KIF26B: variants seen among roughly 807,000 people sequenced by gnomAD.
The protein encoded by KIF26B is kinesin-like protein KIF26B.
In KIF26B, 63 loss-of-function variants were observed where a neutral mutation model predicts 151.2. That is an observed-to-expected ratio of 0.42 (90% CI 0.34 to 0.51). The LOEUF is 0.51. KIF26B is among the 20% of genes least tolerant of loss of function. The probability of loss-of-function intolerance (pLI) is 0.07; values close to 1 mark genes in which losing one functional copy is unlikely to be tolerated. For synonymous variants in KIF26B, 1,357 were observed against 1,262.1 expected (o/e 1.08, Z -1.59); for missense variants, 2,813 against 2,913.6 (o/e 0.97, Z 0.79).
chr1:245,623,387 A>C (rs1020152437), intron 9 of KIF26B, among the ~76,000 whole-genome samples: 8 of 152,122 alleles, frequency 5.3e-5, no homozygotes, highest in Admixed American at 3.9e-4. Context: ...AATGATTTTG[A>C]GATGTAATCA....
At chr1:245,651,547 G>A (rs1348306370) in intron 10 of KIF26B, among the ~76,000 whole-genome samples, 2 of 152,204 alleles carry the variant, frequency 1.3e-5, no homozygotes, top group East Asian at 1.9e-4. Flanking sequence ...GGGAAGCTGG[G>A]GAAAGGGGCT....
At chr1:245,212,302 TAAAAC>T (rs1382388827) in intron 2 of KIF26B, among the ~76,000 whole-genome samples, 4 of 152,132 alleles carry the variant, frequency 2.6e-5, no homozygotes, top group African/African-American at 9.7e-5. Context: ...TTGCTCATGA[TAAAAC>T]AGGAAGTGGT....
At chr1:245,681,208 CTTTTCTT>C (rs1203738470) in intron 10 of KIF26B, among the ~76,000 whole-genome samples, 1 of 112,974 alleles carries the variant, frequency 8.9e-6, no homozygotes, top group Non-Finnish European at 2.1e-5. Flanking sequence ...GGTAAGTTTT[CTTTTCTT>C]TTTTTTTTTT....
At position 245,419,683 on chromosome 1, in the gene KIF26B, G is replaced by GA; in HGVS notation, c.1104_1105insA (p.Gly369ArgfsTer31). The GA allele has an allele frequency of 6.2e-7, 1 of 1,613,812 alleles. No individual in the cohort carries two copies. Among genetic ancestry groups the GA allele is most frequent in the Non-Finnish European group, 8.5e-7 (1 of 1,179,770 alleles). ...CCGCCTGCAGTGTCCCAGCCTCGCA[G>GA]GGCTCCTGCGTGGCCAGCGAGACTT... On this transcript the variant is annotated frameshift_variant, in exon 4 of 15. Transcript: ENST00000407071. LOFTEE classifies it high-confidence loss of function.
intron 5 of KIF26B, among the ~76,000 whole-genome samples, chr1:245,561,089 G>C (rs986851785): frequency 1.3e-5 from 2 of 152,210 alleles, no homozygotes; most frequent in Admixed American, 1.3e-4. Flanking sequence ...CAGGTGACCT[G>C]GGAGCTGGGA....
chr1:245,364,140 C>A (rs1234661523), intron 2 of KIF26B, among the ~76,000 whole-genome samples: 1 of 152,160 alleles, frequency 6.6e-6, no homozygotes, highest in Non-Finnish European at 1.5e-5. Context: ...AGACCCCCAG[C>A]CTGGGGCAAC....
intron 7 of KIF26B, among the ~76,000 whole-genome samples, chr1:245,608,465 C>G (rs1437341011): frequency 6.6e-6 from 1 of 152,234 alleles, no homozygotes; most frequent in Non-Finnish European, 1.5e-5. Flanking sequence ...CTCTGCACTT[C>G]CGTCCTCCCC....
chr1:245,367,395 GC>G lies in KIF26B; in HGVS notation c.999+29del. On this transcript the variant is annotated intron_variant, in intron 3 of 14. Transcript: ENST00000407071. The surrounding 1 kb of genome is among the most constrained non-coding windows in gnomAD (Gnocchi z 4.2). ...AAGTAGCCTGTGTGAGCCAGGAAGAGCAGGGCTGGCTGGAGTCAAAGCGGAG... is the reference window on the plus strand; with the variant it reads ...AAGTAGCCTGTGTGAGCCAGGAAGAGAGGGCTGGCTGGAGTCAAAGCGGAG... 1.9e-6 allele frequency: 3 copies of G among 1,553,698 alleles called. No homozygotes were observed. The highest frequency in any genetic ancestry group is 2.6e-6 in the Non-Finnish European group (3 of 1,146,564).
intron 1 of KIF26B, 127 bp from the exon 2 acceptor site, chr1:245,156,155 G>A (rs1195114805): frequency 3.6e-6 from 5 of 1,379,836 alleles, no homozygotes; most frequent in Non-Finnish European, 4.8e-6. Flanking sequence ...CGCAGGGCTT[G>A]GAGAGGTCCC....
At position 245,698,932 on chromosome 1, in the gene KIF26B, C is replaced by T. The variant is rs1455901506; in HGVS notation, c.6073C>T (p.Gln2025Ter). The T allele has an allele frequency of 6.2e-7, 1 of 1,613,924 alleles. No homozygotes were observed. Among genetic ancestry groups the T allele is most frequent in the African/African-American group, 1.3e-5 (1 of 74,946 alleles). The change falls in exon 14 of 15, where the codon CAG becomes TAG. Residue 2025 changes from glutamine to a stop codon, truncating the protein, a stop_gained. Transcript: ENST00000407071. LOFTEE classifies it high-confidence loss of function. This position sits in a 1 kb window ranked among gnomAD's most constrained non-coding sequence, Gnocchi z 4.0. ...NAKLKILEHR[Q>*]QRIAEVRAKY... ...AAAGCTGAAGATTCTGGAACACCGC[C>T]AGCAGAGGATCGCCGAGGTCCGCGC...
rs1670139966 is a variant in KIF26B, at chr1:245,237,759, C to T, written c.465+81076C>T. On this transcript the variant is annotated intron_variant, in intron 2 of 14. Transcript: ENST00000407071. ...TATTGTAGCTGGGTGCAGTGTTCCA[C>T]ACCTGTAATCCCAGCACTTTGGGAG... Among the ~76,000 whole-genome samples, 3 of 152,312 alleles carry T rather than the reference C, an allele frequency of 2.0e-5. No individual in the cohort carries two copies. The South Asian group carries it at 6.2e-4, about 32-fold the overall frequency.
intron 4 of KIF26B, among the ~76,000 whole-genome samples, chr1:245,531,723 ATGG>A (rs1028162473): frequency 6.7e-4 from 102 of 152,332 alleles, no homozygotes; most frequent in African/African-American, 2.1e-3. Context: ...CAGTGCAGTG[ATGG>A]TGGCGAGGCA....
rs2044804304 is a variant in KIF26B, at chr1:245,703,676, G to GTGTT, written c.*1071_*1074dup. ...ATATTTCTTTCTTTAGTATTTTCTAGTGTTGTGTTGTAGATTGATTAAAGT... is the reference window on the plus strand; with the variant it reads ...ATATTTCTTTCTTTAGTATTTTCTAGTGTTTGTTGTGTTGTAGATTGATTAAAGT... On this transcript the variant is annotated 3_prime_UTR_variant, in exon 15 of 15. Transcript: ENST00000407071. 1.3e-5 allele frequency: 2 copies of GTGTT among 152,312 alleles called. No homozygotes were observed. The highest frequency in any genetic ancestry group is 2.4e-5 in the African/African-American group (1 of 41,564). The allele number at this position is 152,312 out of a possible 1,614,324, so 9.4% of individuals were successfully genotyped here.
chr1:245,644,837 TAA>T (rs948697659), intron 9 of KIF26B, among the ~76,000 whole-genome samples: 1 of 152,178 alleles, frequency 6.6e-6, no homozygotes, highest in African/African-American at 2.4e-5. Context: ...TGCATTGCTG[TAA>T]AAGACACCTG....
chr1:245,459,451 C>G (rs1349930179), intron 4 of KIF26B, among the ~76,000 whole-genome samples: 1 of 152,046 alleles, frequency 6.6e-6, no homozygotes, highest in Admixed American at 6.5e-5. Context: ...GGTTGCAGTT[C>G]CAGCTTTCCA....
chr1:245,328,736 G>A (rs1672042750), intron 2 of KIF26B, among the ~76,000 whole-genome samples: 1 of 152,198 alleles, frequency 6.6e-6, no homozygotes, highest in African/African-American at 2.4e-5. Flanking sequence ...CACAACGCCT[G>A]GTCTCCACAC....
chr1:245,268,465 T>C (rs1670789017), intron 2 of KIF26B, among the ~76,000 whole-genome samples: 1 of 128,602 alleles, frequency 7.8e-6, no homozygotes, highest in Non-Finnish European at 1.6e-5. Context: ...CGAGACTCCA[T>C]CTCCAAATAA....
chr1:245,625,198 C>T (rs1409632637), intron 9 of KIF26B, among the ~76,000 whole-genome samples: 1 of 152,118 alleles, frequency 6.6e-6, no homozygotes, highest in African/African-American at 2.4e-5. Flanking sequence ...GTAATGTTAA[C>T]CTTCCAACTT....
At chr1:245,520,535 TCCATC>T (rs1661070967) in intron 4 of KIF26B, among the ~76,000 whole-genome samples, 1 of 75,914 alleles carries the variant, frequency 1.3e-5, no homozygotes, top group African/African-American at 5.0e-5. Flanking sequence ...CATCCATCCA[TCCATC>T]CACCCATTCA....
Sources: allele counts gnomAD v4.1 joint callset (sites outside exome capture counted in the v4.1 genomes callset), GRCh38; gene constraint gnomAD v4.1.1; non-coding constraint Gnocchi (gnomAD v3.1); transcripts MANE v1.5; gene names NCBI Gene and HGNC (gene_info 2026-07-23, HGNC 2026-07-21).